Variants in DAB1 observed in about 807,000 individuals in gnomAD.
The protein encoded by DAB1 is DAB adaptor protein 1, also known as disabled homolog 1.
DAB1 carries 15 observed loss-of-function variants against 64.6 expected under a neutral mutation model. The observed-to-expected ratio is 0.23, with a 90% confidence interval of 0.16 to 0.36. The LOEUF is 0.36. DAB1 is among the 10% of genes least tolerant of loss of function. The pLI, the probability that DAB1 is intolerant of heterozygous loss-of-function variation, is 1.00. For synonymous variants in DAB1, 235 were observed against 251.9 expected (o/e 0.93, Z 0.64); for missense variants, 596 against 706.7 (o/e 0.84, Z 1.78).
chr1:57,749,203 T>C (rs1648436560), intron 6 of DAB1, among the ~76,000 whole-genome samples: 1 of 152,194 alleles, frequency 6.6e-6, no homozygotes, highest in African/African-American at 2.4e-5. Context: ...ATAAGGCAGT[T>C]AGCTTGGCAC....
rs148241165 is a variant in DAB1, at chr1:57,113,246, G to A, written c.306+23297C>T. ...TGCTAAATAAAAATTGGCCATTATT[G>A]TTACTGATAGGCTACCCCACTAATC... On this transcript the variant is annotated intron_variant, in intron 4 of 14. Transcript: ENST00000371236. 9.4e-3 allele frequency among the ~76,000 whole-genome samples: 1,437 copies of A among 152,238 alleles called. 34 individuals carry two copies. Among genetic ancestry groups the A allele is most frequent in the Admixed American group, 0.048 (734 of 15,290 alleles).
chr1:57,079,145 T>A (rs1462685220), intron 4 of DAB1, among the ~76,000 whole-genome samples: 1 of 152,198 alleles, frequency 6.6e-6, no homozygotes, highest in East Asian at 1.9e-4. Context: ...TATGTGTACA[T>A]AACAAGAGTT....
chr1:58,073,770 C>A (rs554633799), intron 5 of DAB1, among the ~76,000 whole-genome samples: 1 of 152,222 alleles, frequency 6.6e-6, no homozygotes, highest in East Asian at 1.9e-4. Flanking sequence ...AAGCCTTCAG[C>A]ACAATCCTTT....
chr1:58,105,926 T>G (rs184004214), intron 5 of DAB1, among the ~76,000 whole-genome samples: 1 of 152,286 alleles, frequency 6.6e-6, no homozygotes, highest in Non-Finnish European at 1.5e-5. Context: ...AAAACTTCAT[T>G]TAGCATTTAT....
chr1:57,578,555 G>A (rs571135513), intron 7 of DAB1, among the ~76,000 whole-genome samples: 1 of 152,298 alleles, frequency 6.6e-6, no homozygotes, highest in Admixed American at 6.5e-5. Flanking sequence ...AGGGGACATA[G>A]GACAAATCCC....
At chr1:57,657,556 A>C (rs1275912937) in intron 6 of DAB1, among the ~76,000 whole-genome samples, 1 of 152,214 alleles carries the variant, frequency 6.6e-6, no homozygotes, top group Non-Finnish European at 1.5e-5. Flanking sequence ...TCTAATCTGC[A>C]GTGACAATTT....
intron 6 of DAB1, among the ~76,000 whole-genome samples, chr1:57,653,620 A>T (rs1043644449): frequency 2.0e-5 from 3 of 149,576 alleles, no homozygotes; most frequent in Admixed American, 1.3e-4. Flanking sequence ...TTACATTATT[A>T]TTTTTTTTTT....
At chr1:57,992,522 T>C (rs1646360446) in intron 5 of DAB1, among the ~76,000 whole-genome samples, 1 of 152,172 alleles carries the variant, frequency 6.6e-6, no homozygotes, top group Non-Finnish European at 1.5e-5. Flanking sequence ...TTTCTCAGTC[T>C]GGCCCAAAGG....
At chr1:57,233,516 T>C (rs1333986689) in intron 2 of DAB1, among the ~76,000 whole-genome samples, 1 of 151,922 alleles carries the variant, frequency 6.6e-6, no homozygotes, top group African/African-American at 2.4e-5. Flanking sequence ...ATCCCAGCAC[T>C]TTGGGAGCCC....
chr1:58,471,979 T>C lies in DAB1; in HGVS notation n.257+34081A>G, dbSNP rs371642546. Among the ~76,000 whole-genome samples, 5 of 152,374 alleles carry C rather than the reference T, an allele frequency of 3.3e-5. No individual in the cohort carries two copies. In the South Asian group the frequency reaches 6.2e-4, roughly 19 times the overall value. Reference sequence around the variant, plus strand: ...CAGCTGGGCAACAACAGCATTATAGTGAGTGCAAAATTGGATAATATATGC... The same window carrying C: ...CAGCTGGGCAACAACAGCATTATAGCGAGTGCAAAATTGGATAATATATGC... On this transcript the variant is annotated intron_variant and non_coding_transcript_variant, in intron 3 of 20. Coordinates refer to the DAB1 transcript ENST00000485760.
At chr1:57,189,948 G>T (rs187240693) in intron 2 of DAB1, among the ~76,000 whole-genome samples, 2 of 152,168 alleles carry the variant, frequency 1.3e-5, no homozygotes, top group East Asian at 3.9e-4. Context: ...TGCTAGGACT[G>T]AACAGAATTT....
chr1:57,686,547 T>G lies in DAB1; in HGVS notation n.552-36882A>C, dbSNP rs189103892. ...GGAGGAGGGGCTCCTCCCTAACTCA[T>G]TCTATGAAGCCAGAATCAGTCTGAT... is the stretch of plus-strand genomic sequence containing the variant. On this transcript the variant is annotated intron_variant and non_coding_transcript_variant, in intron 6 of 20. Coordinates refer to the DAB1 transcript ENST00000485760. Among the ~76,000 whole-genome samples the G allele has an allele frequency of 1.7e-3, 253 of 152,286 alleles. 1 individual carries two copies. Among genetic ancestry groups the G allele is most frequent in the Middle Eastern group, 6.8e-3 (2 of 294 alleles).
At chr1:57,719,176 C>A (rs1647120908) in intron 6 of DAB1, among the ~76,000 whole-genome samples, 1 of 152,146 alleles carries the variant, frequency 6.6e-6, no homozygotes, top group Non-Finnish European at 1.5e-5. Flanking sequence ...TAGAAATGTA[C>A]AATGCTTTTT....
chr1:57,736,911 G>A (rs1557451529), intron 6 of DAB1, among the ~76,000 whole-genome samples: 1 of 152,174 alleles, frequency 6.6e-6, no homozygotes, highest in Non-Finnish European at 1.5e-5. Context: ...AGTAGTTTAA[G>A]GAAGAGACAA....
At chr1:58,435,729 T>C (rs1644936565) in intron 3 of DAB1, among the ~76,000 whole-genome samples, 1 of 152,254 alleles carries the variant, frequency 6.6e-6, no homozygotes, top group African/African-American at 2.4e-5. Flanking sequence ...TACTGTGTTT[T>C]TGCTGCCTCC....
At chr1:57,049,395 G>A (rs1648923550) in intron 9 of DAB1, among the ~76,000 whole-genome samples, 1 of 128,000 alleles carries the variant, frequency 7.8e-6, no homozygotes, top group African/African-American at 2.9e-5. Context: ...AGGTTGCAGT[G>A]AGCAGAGATC....
intron 4 of DAB1, among the ~76,000 whole-genome samples, chr1:58,325,920 T>C (rs559546794): frequency 8.5e-5 from 13 of 152,202 alleles, no homozygotes; most frequent in African/African-American, 1.7e-4. Flanking sequence ...AGAGAAGAGA[T>C]GGTATCACCC....
intron 7 of DAB1, among the ~76,000 whole-genome samples, chr1:57,453,023 A>G (rs1233453298): frequency 6.6e-6 from 1 of 151,976 alleles, no homozygotes; most frequent in Non-Finnish European, 1.5e-5. Context: ...GGAGGGAAGG[A>G]GAGAAGGAAG....
At chr1:57,833,505 G>C (rs187534813) in intron 1 of DAB1, among the ~76,000 whole-genome samples, 1 of 152,180 alleles carries the variant, frequency 6.6e-6, no homozygotes, top group African/African-American at 2.4e-5. Flanking sequence ...CAAGTTGGCT[G>C]CCCAGGACCA....
Sources: allele counts gnomAD v4.1 joint callset (sites outside exome capture counted in the v4.1 genomes callset), GRCh38; gene constraint gnomAD v4.1.1; transcripts MANE v1.5; gene names NCBI Gene and HGNC (gene_info 2026-07-23, HGNC 2026-07-21).